Variants in CD2AP observed in about 807,000 individuals in gnomAD.
CD2AP encodes the protein CD2-associated protein.
In CD2AP, 46 loss-of-function variants were observed where a neutral mutation model predicts 85.1. That is an observed-to-expected ratio of 0.54 (90% confidence interval 0.43 to 0.69). The LOEUF is 0.69. Ranked by LOEUF, CD2AP falls within the 30% of genes least tolerant of loss-of-function variation. The pLI is 0.00. For missense variants in CD2AP, 769 were observed against 729.5 expected, an observed-to-expected ratio of 1.05 and a Z score of -0.62; for synonymous variants, 255 against 252.9, an observed-to-expected ratio of 1.01 and a Z score of -0.08.
chr6:47,588,840 C>A (rs1768698808), intron 11 of CD2AP, among the ~76,000 whole-genome samples: 1 of 152,046 alleles, frequency 6.6e-6, no homozygotes, highest in Admixed American at 6.6e-5. Flanking sequence ...AAACCTCTCC[C>A]CAACCATAGA....
chr6:47,480,410 AT>A (rs1469793880), intron 1 of CD2AP, among the ~76,000 whole-genome samples: 10 of 151,968 alleles, frequency 6.6e-5, no homozygotes, highest in Non-Finnish European at 1.5e-5. Context: ...AAAATCTGAA[AT>A]TTTTTTTGTG....
At chr6:47,592,784 ACT>A (rs1345397002) in intron 11 of CD2AP, among the ~76,000 whole-genome samples, 3 of 151,670 alleles carry the variant, frequency 2.0e-5, no homozygotes, top group Non-Finnish European at 4.4e-5. Context: ...AGTTACGGAA[ACT>A]CTGCATCTCT....
At chr6:47,593,622 A>T (rs1281270653) in intron 11 of CD2AP, among the ~76,000 whole-genome samples, 1 of 152,082 alleles carries the variant, frequency 6.6e-6, no homozygotes, top group Admixed American at 6.6e-5. Flanking sequence ...ACCCACTGAG[A>T]TGGTTAAAAA....
At chr6:47,592,277 A>G (rs1014703577) in intron 11 of CD2AP, among the ~76,000 whole-genome samples, 1 of 152,048 alleles carries the variant, frequency 6.6e-6, no homozygotes, top group Non-Finnish European at 1.5e-5. Context: ...CTAACATTCT[A>G]GTACTCACAG....
intron 3 of CD2AP, among the ~76,000 whole-genome samples, chr6:47,538,558 T>C (rs1214630510): frequency 6.6e-6 from 1 of 152,236 alleles, no homozygotes; most frequent in Non-Finnish European, 1.5e-5. Flanking sequence ...GAAAGAACTT[T>C]ATTTTAAAAA....
At chr6:47,571,199 T>A (rs1322435714) in intron 5 of CD2AP, among the ~76,000 whole-genome samples, 1 of 152,190 alleles carries the variant, frequency 6.6e-6, no homozygotes, top group Non-Finnish European at 1.5e-5. Context: ...AGAATATTGC[T>A]TTGTCCAACA....
chr6:47,606,544 C>G (rs1040298581), intron 14 of CD2AP, among the ~76,000 whole-genome samples: 1 of 151,938 alleles, frequency 6.6e-6, no homozygotes, highest in African/African-American at 2.4e-5. Context: ...AAAGAAAGAA[C>G]CTGTTTAATT....
intron 5 of CD2AP, among the ~76,000 whole-genome samples, chr6:47,564,459 T>G (rs2114080012): frequency 6.6e-6 from 1 of 152,296 alleles, no homozygotes; most frequent in East Asian, 1.9e-4. Context: ...TAAAATACTT[T>G]GCACATTTTC....
chr6:47,526,198 GT>G (rs1766719376), intron 2 of CD2AP, among the ~76,000 whole-genome samples: 1 of 152,106 alleles, frequency 6.6e-6, no homozygotes, highest in Admixed American at 6.6e-5. Context: ...GAGTAGTCTG[GT>G]AGAGGCACTA....
intron 8 of CD2AP, among the ~76,000 whole-genome samples, chr6:47,577,960 A>G (rs1165214079): frequency 6.6e-6 from 1 of 152,146 alleles, no homozygotes; most frequent in African/African-American, 2.4e-5. Context: ...TGTAAAGTAT[A>G]ATGATGTTAT....
At chr6:47,591,738 CAT>C (rs1768798898) in intron 11 of CD2AP, among the ~76,000 whole-genome samples, 1 of 152,008 alleles carries the variant, frequency 6.6e-6, no homozygotes, top group South Asian at 2.1e-4. Flanking sequence ...AATAAAAGGA[CAT>C]ATTTTGGTTA....
intron 4 of CD2AP, among the ~76,000 whole-genome samples, chr6:47,547,378 A>G (rs759702616): frequency 6.6e-6 from 1 of 152,196 alleles, no homozygotes; most frequent in African/African-American, 2.4e-5. Flanking sequence ...AGGAGTAGCT[A>G]TGCTTATATC....
In CD2AP at chr6:47,494,311, C is replaced by T. The variant is rs370045595; in HGVS notation, c.5-8969C>T. On this transcript the variant is annotated intron_variant, in intron 1 of 17. Coordinates refer to ENST00000359314, the MANE Select transcript of CD2AP (RefSeq NM_012120.3). The stretch of plus-strand genomic sequence containing the variant: ...TCTTCCTTGCTTTCTTTGGGTTTCC[C>T]TAAGAACTCTTTCTCAGATAGAATC... 4.6e-5 allele frequency among the ~76,000 whole-genome samples: 7 copies of T among 152,254 alleles called. No homozygotes were observed. In the East Asian group the frequency reaches 1.2e-3, roughly 25 times the overall value.
chr6:47,554,084 C>G (rs183085722), intron 4 of CD2AP, among the ~76,000 whole-genome samples: 3 of 151,764 alleles, frequency 2.0e-5, no homozygotes, highest in Non-Finnish European at 2.9e-5. Flanking sequence ...AGCTAACTTT[C>G]GTATTTTTTT....
intron 11 of CD2AP, 117 bp from the exon 12 acceptor site, chr6:47,595,744 G>T: frequency 1.3e-6 from 1 of 750,932 alleles, no homozygotes; most frequent in Non-Finnish European, 2.3e-6. Flanking sequence ...CAAATACAGA[G>T]AATGAAAGTT....
intron 1 of CD2AP, among the ~76,000 whole-genome samples, chr6:47,497,441 T>C (rs751042146): frequency 4.4e-4 from 67 of 150,870 alleles, no homozygotes; most frequent in Non-Finnish European, 9.0e-4. Context: ...TTGCCCAGGC[T>C]GGAGTGCAGT....
In CD2AP at chr6:47,603,606, C is replaced by G. The variant is rs575368075; in HGVS notation, c.1418-2559C>G. ...AATAAACCTAAAACCTAATATACAT[C>G]TTGTGTAAGTTAGATAACCTGCAAA... On this transcript the variant is annotated intron_variant, in intron 13 of 17. Coordinates refer to ENST00000359314, the MANE Select transcript of CD2AP (RefSeq NM_012120.3). Among the ~76,000 whole-genome samples the G allele has an allele frequency of 6.6e-5, 10 of 152,206 alleles. No homozygotes were observed. In the East Asian group the frequency reaches 1.7e-3, roughly 26 times the overall value.
intron 1 of CD2AP, among the ~76,000 whole-genome samples, chr6:47,494,984 A>G (rs1765822459): frequency 6.6e-6 from 1 of 152,040 alleles, no homozygotes; most frequent in African/African-American, 2.4e-5. Flanking sequence ...GTATAATGAG[A>G]CCATGTCTCT....
At chr6:47,518,052 G>T (rs554790802) in intron 2 of CD2AP, among the ~76,000 whole-genome samples, 62 of 152,260 alleles carry the variant, frequency 4.1e-4, no homozygotes, top group Admixed American at 7.8e-4. Flanking sequence ...TTTGTGTCAG[G>T]TGTTGTTGGG....
Sources: allele counts gnomAD v4.1 joint callset (sites outside exome capture counted in the v4.1 genomes callset), GRCh38; gene constraint gnomAD v4.1.1; transcripts MANE v1.5; gene names NCBI Gene and HGNC (gene_info 2026-07-23, HGNC 2026-07-21).